The following PARD3B variants were observed in gnomAD, a reference collection of about 807,000 sequenced individuals.
The protein encoded by PARD3B is par-3 family cell polarity regulator beta, also known as partitioning defective 3 homolog B.
In PARD3B, 103 loss-of-function variants were observed where a neutral mutation model predicts 130.2. That is an observed-to-expected ratio of 0.79 (90% CI 0.67 to 0.93). The LOEUF (loss-of-function observed/expected upper bound fraction) is 0.93, where lower values mean the gene tolerates loss of function less well. Among genes scored for constraint, PARD3B ranks in the 40% least tolerant of loss-of-function variants. The pLI is 0.00. For missense variants in PARD3B, 1,609 were observed against 1,499.2 expected, an observed-to-expected ratio of 1.07 and a Z score of -1.21; for synonymous variants, 583 against 553.2, an observed-to-expected ratio of 1.05 and a Z score of -0.76.
rs780438153 is a variant in PARD3B at position 204,546,028 on chromosome 2, C to G, written c.29C>G (p.Thr10Arg). Reference sequence around the variant, plus strand: ...AAAGTGACCGTGTGCTTCGGCAGGACGGGCATCGTGGTGCCCTGCAAGGAG... The same window carrying G: ...AAAGTGACCGTGTGCTTCGGCAGGAGGGGCATCGTGGTGCCCTGCAAGGAG... MKVTVCFGRTGIVVPCKEGQ... is the reference protein window; with the variant it reads MKVTVCFGRRGIVVPCKEGQ... Residue 10 changes from threonine (T) to arginine (R), a missense_variant, in exon 1 of 23, where the codon ACG (threonine) becomes AGG (arginine). Transcript: ENST00000406610. The G allele has an allele frequency of 3.4e-5, 53 of 1,567,936 alleles. No individual in the cohort carries two copies. Among genetic ancestry groups the G allele is most frequent in the South Asian group, 4.7e-5 (4 of 85,846 alleles).
chr2:205,180,651 G>A (rs2035737153), intron 13 of PARD3B, among the ~76,000 whole-genome samples: 2 of 149,490 alleles, frequency 1.3e-5, no homozygotes. Flanking sequence ...GATATTCTGT[G>A]TTCCATTTAT....
intron 15 of PARD3B, among the ~76,000 whole-genome samples, chr2:205,235,384 T>A (rs2039018714): frequency 6.6e-6 from 1 of 152,094 alleles, no homozygotes; most frequent in Non-Finnish European, 1.5e-5. Context: ...ATCACACCAC[T>A]GCACTCCAGC....
At chr2:205,453,579 G>A (rs1439312866) in intron 20 of PARD3B, among the ~76,000 whole-genome samples, 1 of 152,118 alleles carries the variant, frequency 6.6e-6, no homozygotes, top group East Asian at 1.9e-4. Context: ...ACTTACCTAT[G>A]GTGACACAGA....
At chr2:204,758,756 G>A (rs1197097264) in intron 2 of PARD3B, among the ~76,000 whole-genome samples, 1 of 152,168 alleles carries the variant, frequency 6.6e-6, no homozygotes, top group Non-Finnish European at 1.5e-5. Context: ...TAGATGTGCA[G>A]TGAATAAAGG....
At chr2:205,233,960 T>C (rs2125899478) in intron 15 of PARD3B, among the ~76,000 whole-genome samples, 1 of 152,308 alleles carries the variant, frequency 6.6e-6, no homozygotes, top group Non-Finnish European at 1.5e-5. Context: ...TAAGTCTATA[T>C]ACTATTGTAA....
chr2:205,538,732 A>G (rs1280789412), intron 21 of PARD3B, among the ~76,000 whole-genome samples: 1 of 152,184 alleles, frequency 6.6e-6, no homozygotes, highest in African/African-American at 2.4e-5. Context: ...CAGGGGGCTC[A>G]TGGAAATGAA....
intron 1 of PARD3B, among the ~76,000 whole-genome samples, chr2:204,549,088 G>T (rs941300007): frequency 2.6e-5 from 4 of 152,308 alleles, no homozygotes; most frequent in South Asian, 2.1e-4. Flanking sequence ...AAACCTATTT[G>T]TGGAATGTTG....
intron 21 of PARD3B, among the ~76,000 whole-genome samples, chr2:205,542,341 C>T (rs2052186833): frequency 8.6e-6 from 1 of 116,926 alleles, no homozygotes; most frequent in Non-Finnish European, 1.7e-5. Context: ...GGAAACTATT[C>T]AGTAGTTTGT....
chr2:204,891,662 T>A (rs1266891513), intron 2 of PARD3B, among the ~76,000 whole-genome samples: 1 of 152,208 alleles, frequency 6.6e-6, no homozygotes, highest in African/African-American at 2.4e-5. Flanking sequence ...ACCAGCCACA[T>A]TCTTCTCTGA....
intron 7 of PARD3B, among the ~76,000 whole-genome samples, chr2:205,119,843 G>A (rs1171166783): frequency 1.3e-5 from 2 of 152,140 alleles, no homozygotes; most frequent in African/African-American, 2.4e-5. Context: ...ATGTGAAAAT[G>A]TTAAGGGAAT....
intron 15 of PARD3B, among the ~76,000 whole-genome samples, chr2:205,200,710 G>A (rs2036941797): frequency 6.6e-6 from 1 of 152,130 alleles, no homozygotes; most frequent in Non-Finnish European, 1.5e-5. Context: ...TGTATACAGT[G>A]AATAAATAAT....
At chr2:205,227,127 G>A (rs567191595) in intron 15 of PARD3B, among the ~76,000 whole-genome samples, 13 of 151,886 alleles carry the variant, frequency 8.6e-5, no homozygotes, top group East Asian at 5.8e-4. Flanking sequence ...AATGATCTAC[G>A]TGCTTAGGAG....
chr2:205,506,098 G>T (rs1381940055), intron 21 of PARD3B, among the ~76,000 whole-genome samples: 1 of 152,182 alleles, frequency 6.6e-6, no homozygotes, highest in Non-Finnish European at 1.5e-5. Context: ...ACTTTGGGAG[G>T]CTGAGGAAGG....
intron 2 of PARD3B, among the ~76,000 whole-genome samples, chr2:204,746,434 A>G (rs1171723863): frequency 1.3e-5 from 2 of 151,906 alleles, no homozygotes; most frequent in African/African-American, 2.4e-5. Context: ...TAGTGCCGCA[A>G]TAAACATACG....
At chr2:204,727,315 C>G (rs1430562454) in intron 2 of PARD3B, among the ~76,000 whole-genome samples, 1 of 152,140 alleles carries the variant, frequency 6.6e-6, no homozygotes, top group Non-Finnish European at 1.5e-5. Flanking sequence ...GACTTACACT[C>G]CTTTAGAAAT....
intron 21 of PARD3B, among the ~76,000 whole-genome samples, chr2:205,518,596 A>G (rs553454664): frequency 6.6e-6 from 1 of 152,182 alleles, no homozygotes; most frequent in East Asian, 1.9e-4. Flanking sequence ...GTTAATATTG[A>G]TATGTGTGGA....
chr2:204,778,105 A>G (rs2041702362), intron 2 of PARD3B, among the ~76,000 whole-genome samples: 1 of 149,978 alleles, frequency 6.7e-6, no homozygotes, highest in Admixed American at 6.7e-5. Flanking sequence ...CTTGGGTAGT[A>G]TCTTTATAGC....
intron 2 of PARD3B, among the ~76,000 whole-genome samples, chr2:204,778,093 A>G (rs1245617454): frequency 2.0e-5 from 3 of 150,318 alleles, no homozygotes; most frequent in Admixed American, 6.7e-5. Flanking sequence ...AAATTATCCA[A>G]TCTTGGGTAG....
At chr2:205,299,142 G>T (rs923615010) in intron 16 of PARD3B, among the ~76,000 whole-genome samples, 1 of 152,142 alleles carries the variant, frequency 6.6e-6, no homozygotes, top group Non-Finnish European at 1.5e-5. Context: ...CATAGGTAAA[G>T]GTGTGTATTG....
Sources: gnomAD v4.1 joint callset for allele counts (sites outside exome capture counted in the v4.1 genomes callset) on GRCh38, gnomAD v4.1.1 for gene constraint, MANE v1.5 for transcripts, NCBI Gene and HGNC (gene_info 2026-07-23, HGNC 2026-07-21) for gene names.